RAB11FIP4: variants seen among roughly 807,000 people sequenced by gnomAD.
RAB11FIP4 encodes RAB11 family interacting protein 4.
In RAB11FIP4, 23 loss-of-function variants were observed where a neutral mutation model predicts 74.3. The observed-to-expected ratio is 0.31, with a 90% CI of 0.22 to 0.44. The LOEUF is 0.44. Among genes scored for constraint, RAB11FIP4 ranks in the 20% least tolerant of loss-of-function variants. RAB11FIP4 has a pLI of 1.00. For synonymous variants in RAB11FIP4, 360 were observed against 359.9 expected, an observed-to-expected ratio of 1.00 and a Z score of 0.00; for missense variants, 630 against 863.9, an observed-to-expected ratio of 0.73 and a Z score of 3.39.
At chr17:31,436,140 A>C (rs1597915669) in intron 3 of RAB11FIP4, among the ~76,000 whole-genome samples, 1 of 152,084 alleles carries the variant, frequency 6.6e-6, no homozygotes, top group East Asian at 1.9e-4. Flanking sequence ...CACGTGGGCC[A>C]CCCAGGACAG....
At chr17:31,524,979 G>A in intron 9 of RAB11FIP4, 111 bp from the exon 10 acceptor site, 2 of 1,336,898 alleles carry the variant, frequency 1.5e-6, no homozygotes, top group Non-Finnish European at 2.1e-6. Flanking sequence ...CACGCCCTCA[G>A]TGGACATGCC....
intron 3 of RAB11FIP4, among the ~76,000 whole-genome samples, chr17:31,434,323 G>T (rs1273068364): frequency 6.6e-6 from 1 of 152,138 alleles, no homozygotes. Flanking sequence ...AACAGCTGGG[G>T]GTCCTCACCC....
At chr17:31,413,276 C>G (rs549868983) in intron 1 of RAB11FIP4, among the ~76,000 whole-genome samples, 6 of 152,236 alleles carry the variant, frequency 3.9e-5, no homozygotes, top group South Asian at 2.1e-4. Context: ...CCAGCACCCC[C>G]CTTTGATGAG....
At chr17:31,416,839 C>CTTG (rs2071152767) in intron 1 of RAB11FIP4, among the ~76,000 whole-genome samples, 1 of 152,146 alleles carries the variant, frequency 6.6e-6, no homozygotes, top group Non-Finnish European at 1.5e-5. Flanking sequence ...GAGTGATGCA[C>CTTG]TTGAGTGCTT....
chr17:31,487,957 TCCGCCCCCGCCCCCGCC>T (rs1273971835), intron 3 of RAB11FIP4: 8 of 763,970 alleles, frequency 1.0e-5, no homozygotes, highest in Non-Finnish European at 1.3e-5. Flanking sequence ...GTCCCTGTCC[TCCGCCCCCGCCCCCGCC>T]CCGCCCCGGC....
rs1379705914 is a variant in RAB11FIP4 at position 31,482,844 on chromosome 17, A to C, written c.337-34807A>C. On this transcript the variant is annotated intron_variant, in intron 3 of 14. Transcript: ENST00000621161. ...GAGAGAGGACAAGTACTTGTGGTAAAGTCCTAGCCAGCTGCCAGGGGGGCT... is the reference window on the plus strand; with the variant it reads ...GAGAGAGGACAAGTACTTGTGGTAACGTCCTAGCCAGCTGCCAGGGGGGCT... Among the ~76,000 whole-genome samples the C allele has an allele frequency of 2.0e-5, 3 of 152,270 alleles. No homozygotes were observed. The East Asian group carries it at 5.8e-4, about 29-fold the overall frequency.
intron 1 of RAB11FIP4, among the ~76,000 whole-genome samples, chr17:31,424,761 G>A (rs1014045178): frequency 2.0e-5 from 3 of 152,068 alleles, no homozygotes; most frequent in African/African-American, 4.8e-5. Context: ...ATTTCTAGTA[G>A]AGATGGGGTT....
chr17:31,429,886 C>T (rs1321184648), intron 1 of RAB11FIP4, among the ~76,000 whole-genome samples: 44 of 150,980 alleles, frequency 2.9e-4, no homozygotes, highest in South Asian at 2.1e-4. Context: ...GGATGCTCTT[C>T]GGGGCTGTCC....
intron 1 of RAB11FIP4, among the ~76,000 whole-genome samples, chr17:31,429,389 A>G (rs1043229766): frequency 3.9e-5 from 6 of 152,208 alleles, no homozygotes; most frequent in Admixed American, 2.6e-4. Flanking sequence ...TGTGCAACCG[A>G]AGTCATGATC....
rs563268541 is a variant in RAB11FIP4, at chr17:31,422,007, C to T, written c.160-9806C>T. Among the ~76,000 whole-genome samples, 9 of 152,126 alleles carry T rather than the reference C, an allele frequency of 5.9e-5. No homozygotes were observed. The South Asian group carries it at 1.9e-3, about 32-fold the overall frequency. On this transcript the variant is annotated intron_variant, in intron 1 of 14. Transcript: ENST00000621161. ...CCAGCCTGGGCAACATAGTGAGACC[C>T]CCCGTCTCTACAAGAAAATTAGCTG...
At chr17:31,400,191 C>A (rs2070971561) in intron 1 of RAB11FIP4, among the ~76,000 whole-genome samples, 1 of 152,178 alleles carries the variant, frequency 6.6e-6, no homozygotes, top group Non-Finnish European at 1.5e-5. Context: ...GGAATAGAAA[C>A]AACTGTCAGG....
intron 1 of RAB11FIP4, among the ~76,000 whole-genome samples, chr17:31,410,794 C>T (rs1044638665): frequency 6.6e-6 from 1 of 152,186 alleles, no homozygotes; most frequent in Non-Finnish European, 1.5e-5. Flanking sequence ...TGTGCCAGCT[C>T]CAAGACCAGG....
At chr17:31,423,957 C>T (rs1198751390) in intron 1 of RAB11FIP4, among the ~76,000 whole-genome samples, 1 of 152,036 alleles carries the variant, frequency 6.6e-6, no homozygotes, top group African/African-American at 2.4e-5. Flanking sequence ...ACCTTTGGGA[C>T]AGGTTTTACC....
chr17:31,488,321 A>G, intron 3 of RAB11FIP4: 1 of 1,016,182 alleles, frequency 9.8e-7, no homozygotes, highest in Non-Finnish European at 1.2e-6. Flanking sequence ...GGCGGCGCGC[A>G]CCTGGCTCGG....
At chr17:31,493,389 G>A (rs2072049418) in intron 3 of RAB11FIP4, among the ~76,000 whole-genome samples, 1 of 151,934 alleles carries the variant, frequency 6.6e-6, no homozygotes, top group Admixed American at 6.6e-5. Context: ...AGTCATCTGT[G>A]GTCACCCCCC....
chr17:31,420,544 A>G (rs2071189175), intron 1 of RAB11FIP4, among the ~76,000 whole-genome samples: 2 of 150,960 alleles, frequency 1.3e-5, no homozygotes, highest in South Asian at 2.1e-4. Flanking sequence ...CATTTTTTAT[A>G]TTGGTGATTT....
At chr17:31,447,124 A>T (rs1597922183) in intron 3 of RAB11FIP4, among the ~76,000 whole-genome samples, 1 of 152,316 alleles carries the variant, frequency 6.6e-6, no homozygotes, top group East Asian at 1.9e-4. Flanking sequence ...CTCCACTAAA[A>T]ATACAAAAAA....
At position 31,528,510 on chromosome 17, in the gene RAB11FIP4, T is replaced by G; in HGVS notation, c.1461T>G (p.Leu487=). 1 of 1,613,878 alleles carries G rather than the reference T, an allele frequency of 6.2e-7. No individual in the cohort carries two copies. Among genetic ancestry groups the G allele is most frequent in the Non-Finnish European group, 8.5e-7 (1 of 1,180,028 alleles). The change falls in exon 12 of 15, where the codon CTT becomes CTG. Residue 487 remains leucine (L), a synonymous_variant. Transcript: ENST00000621161. The stretch of plus-strand genomic sequence containing the variant: ...TGGACAAGCTGCGACAGAACCGCCT[T>G]GAGTTCCAGAAGGAGCGGGAGGCGA... ...RMMDKLRQNR[L]EFQKEREATQ... is the part of the protein sequence containing the mutation.
At chr17:31,527,264 A>G (rs1470963190) in intron 10 of RAB11FIP4, 1 of 152,292 alleles carries the variant, frequency 6.6e-6, no homozygotes, top group Non-Finnish European at 1.5e-5. Flanking sequence ...TGCATACAAG[A>G]AGAATCTGCG....
Sources: allele counts gnomAD v4.1 joint callset (sites outside exome capture counted in the v4.1 genomes callset), GRCh38; gene constraint gnomAD v4.1.1; transcripts MANE v1.5; gene names NCBI Gene and HGNC (gene_info 2026-07-23, HGNC 2026-07-21).